ERMP1: variants seen among roughly 807,000 people sequenced by gnomAD.
The protein encoded by ERMP1 is Felix-ina.
A neutral mutation model predicts 92.0 loss-of-function variants in ERMP1; 86 were observed. The ratio of observed to expected loss-of-function variants is 0.93; its 90% CI spans 0.79 to 1.12. ERMP1 has a LOEUF of 1.12. Among genes scored for constraint, ERMP1 ranks in the 50% most tolerant of loss-of-function variants. The pLI, the probability that ERMP1 is intolerant of heterozygous loss-of-function variation, is 0.00. For missense variants in ERMP1, 1,342 were observed against 1,116.3 expected (o/e 1.20, Z -2.88); for synonymous variants, 530 against 412.8 (o/e 1.28, Z -3.44).
intron 6 of ERMP1, among the ~76,000 whole-genome samples, chr9:5,855,356 A>G (rs899462522): frequency 6.6e-6 from 1 of 152,206 alleles, no homozygotes; most frequent in South Asian, 2.1e-4. Context: ...CCAGGAGGGC[A>G]CATACCAGAG....
chr9:5,787,381 C>G, intron 14 of ERMP1, 49 bp downstream of exon 14: 1 of 1,603,410 alleles, frequency 6.2e-7, no homozygotes, highest in Non-Finnish European at 8.5e-7. Flanking sequence ...TTGCTAAATA[C>G]CACCTGGGAA....
Position 5,830,947 on chromosome 9 carries a change from A to C in ERMP1, c.420T>G (p.Leu140=), listed in dbSNP as rs778251998. 2.5e-6 allele frequency: 4 copies of C among 1,614,064 alleles called. No homozygotes were observed. The South Asian group carries it at 4.4e-5, about 18-fold the overall frequency. ...PENEILTVHY[L]LEQIKLIEVQ... is the part of the protein sequence containing the mutation. ...CTTCAATCAGTTTAATCTGTTCCAA[A>C]AGGTAGTGCACGGTCAGAATTTCAT... is the stretch of plus-strand genomic sequence containing the variant. Residue 140 remains leucine, a synonymous_variant, in exon 2 of 15, where the codon CTT becomes CTG. Coordinates refer to ENST00000339450, the MANE Select transcript of ERMP1 (RefSeq NM_024896.3).
intron 6 of ERMP1, among the ~76,000 whole-genome samples, chr9:5,858,009 C>G (rs1309828894): frequency 6.6e-6 from 1 of 152,152 alleles, no homozygotes; most frequent in Non-Finnish European, 1.5e-5. Context: ...TGGCAGGTCC[C>G]AAGACAAATC....
intron 4 of ERMP1, among the ~76,000 whole-genome samples, chr9:5,819,384 A>G (rs1343315667): frequency 6.6e-6 from 1 of 152,218 alleles, no homozygotes; most frequent in Admixed American, 6.5e-5. Flanking sequence ...AATGCCTGAT[A>G]ACAAGAATTA....
chr9:5,845,584 C>G (rs1367832579), intron 6 of ERMP1, among the ~76,000 whole-genome samples: 1 of 152,156 alleles, frequency 6.6e-6, no homozygotes, highest in Non-Finnish European at 1.5e-5. Context: ...GGATTAACTG[C>G]ACTCCACCTC....
At position 5,832,616 on chromosome 9, in the gene ERMP1, G is replaced by A. The variant is rs931955839; in HGVS notation, c.338+74C>T. 6.6e-6 allele frequency: 8 copies of A among 1,208,582 alleles called. No homozygotes were observed. In the African/African-American group the frequency reaches 1.1e-4, roughly 17 times the overall value. The allele number at this position is 1,208,582 out of a possible 1,614,324, so 74.9% of individuals were successfully genotyped here. A position where few individuals can be genotyped will look rare whatever the true frequency, so the allele number is the denominator to read the frequency against. On this transcript the variant is annotated intron_variant, in intron 1 of 14. Coordinates refer to ENST00000339450, the MANE Select transcript of ERMP1 (RefSeq NM_024896.3). ...GGTCCGGCAGGGGCGGGTGCACACA[G>A]GTGCGGTGCCCCGGAGCCTGCGCAG...
chr9:5,795,437 G>T (rs773879409), intron 13 of ERMP1, among the ~76,000 whole-genome samples: 1 of 152,112 alleles, frequency 6.6e-6, no homozygotes, highest in African/African-American at 2.4e-5. Context: ...ATATTAGGAA[G>T]GAGGAAATAA....
chr9:5,862,700 T>C (rs562388405), intron 5 of ERMP1, among the ~76,000 whole-genome samples: 2 of 152,282 alleles, frequency 1.3e-5, no homozygotes, highest in South Asian at 2.1e-4. Flanking sequence ...ACCAAAACCC[T>C]TGTATTATCA....
intron 13 of ERMP1, among the ~76,000 whole-genome samples, chr9:5,797,580 G>A (rs1431830666): frequency 1.3e-5 from 2 of 151,486 alleles, no homozygotes; most frequent in Admixed American, 6.6e-5. Flanking sequence ...CCCAGGAGGC[G>A]GAGGTTGCAG....
In ERMP1 at chr9:5,809,885, G is replaced by A. The variant is rs1209021969; in HGVS notation, c.1548+126C>T. The A allele has an allele frequency of 3.5e-5, 23 of 651,380 alleles. No homozygotes were observed. In the South Asian group the frequency reaches 3.7e-4, roughly 10 times the overall value. The allele number at this position is 651,380 out of a possible 1,614,324, so 40.4% of individuals were successfully genotyped here. A position where few individuals can be genotyped will look rare whatever the true frequency, so the allele number is the denominator to read the frequency against. On this transcript the variant is annotated intron_variant, in intron 8 of 14. Coordinates refer to ENST00000339450, the MANE Select transcript of ERMP1 (RefSeq NM_024896.3). ...CAGAAAATTAACACAGTGTAGGTGC[G>A]TTTTCCATAACCATGCTGAACAATT...
chr9:5,861,719 T>TTA (rs1421984473), intron 5 of ERMP1, among the ~76,000 whole-genome samples: 1 of 127,644 alleles, frequency 7.8e-6, no homozygotes, highest in Non-Finnish European at 1.7e-5. Context: ...GAGGAAGGGT[T>TTA]TTTTTTTTTT....
intron 1 of ERMP1, among the ~76,000 whole-genome samples, chr9:5,831,482 C>G (rs981168161): frequency 6.6e-6 from 1 of 152,138 alleles, no homozygotes; most frequent in African/African-American, 2.4e-5. Context: ...CTACTATCCG[C>G]CTGTAGTCCC....
At chr9:5,812,643 T>G in intron 5 of ERMP1, 1 of 520,290 alleles carries the variant, frequency 1.9e-6, no homozygotes, top group Non-Finnish European at 3.4e-6. Context: ...CTTTTGGGAA[T>G]GAGGTGCTAA....
At chr9:5,814,367 G>A (rs1829222535) in intron 4 of ERMP1, among the ~76,000 whole-genome samples, 3 of 152,144 alleles carry the variant, frequency 2.0e-5, no homozygotes. Context: ...GATGTAAACA[G>A]ACCAAGTAAC....
At position 5,833,071 on chromosome 9, in the gene ERMP1, C is replaced by T. The variant is rs751191718; in HGVS notation, c.-44G>A. 64 of 1,398,078 alleles carry T rather than the reference C, an allele frequency of 4.6e-5. No individual in the cohort carries two copies. The highest frequency in any genetic ancestry group is 5.2e-5 in the Non-Finnish European group (56 of 1,084,148). 86.6% of individuals were successfully genotyped at this position (1,398,078 alleles called of 1,614,324 possible). ...CCAGCCCAACCGCCCCAACCCGCGA[C>T]AGCCCCGGCCGCCGCCGACGCCGCC... On this transcript the variant is annotated 5_prime_UTR_variant, in exon 1 of 15. Coordinates refer to ENST00000339450, the MANE Select transcript of ERMP1 (RefSeq NM_024896.3).
intron 6 of ERMP1, among the ~76,000 whole-genome samples, chr9:5,844,567 C>T (rs889447298): frequency 6.6e-6 from 1 of 152,154 alleles, no homozygotes; most frequent in African/African-American, 2.4e-5. Flanking sequence ...AGCCACCACG[C>T]CTGGCCCTAG....
intron 13 of ERMP1, among the ~76,000 whole-genome samples, chr9:5,794,792 CG>C (rs1828346650): frequency 6.6e-6 from 1 of 152,052 alleles, no homozygotes; most frequent in African/African-American, 2.4e-5. Context: ...ACCAAGCCTA[CG>C]GGGGTTCATA....
chr9:5,793,776 A>G (rs1387207722), intron 13 of ERMP1, among the ~76,000 whole-genome samples: 2 of 152,130 alleles, frequency 1.3e-5, no homozygotes, highest in East Asian at 1.9e-4. Flanking sequence ...GTAGCTAACA[A>G]TAAAGTGTCA....
chr9:5,797,295 G>T (rs910367350), intron 13 of ERMP1, among the ~76,000 whole-genome samples: 2 of 151,784 alleles, frequency 1.3e-5, no homozygotes, highest in African/African-American at 4.8e-5. Flanking sequence ...TCCTACCTCA[G>T]CCTCCTGAGT....
Sources: gnomAD v4.1 joint callset for allele counts (sites outside exome capture counted in the v4.1 genomes callset) on GRCh38, gnomAD v4.1.1 for gene constraint, MANE v1.5 for transcripts, NCBI Gene and HGNC (gene_info 2026-07-23, HGNC 2026-07-21) for gene names.